SNX29: variants seen among roughly 807,000 people sequenced by gnomAD.
SNX29 encodes the protein sorting nexin 29, also known as sorting nexin-29.
Under a neutral mutation model 102.1 loss-of-function variants are expected in SNX29, and 78 were observed. That is an observed-to-expected ratio of 0.76 (90% confidence interval 0.64 to 0.92). The LOEUF is 0.92. SNX29 is among the 40% of genes least tolerant of loss of function. The pLI, the probability that SNX29 is intolerant of heterozygous loss-of-function variation, is 0.00. For missense variants in SNX29, 1,280 were observed against 1,061.7 expected (o/e 1.21, Z -2.86); for synonymous variants, 580 against 414.5 (o/e 1.40, Z -4.85).
intron 11 of SNX29, among the ~76,000 whole-genome samples, chr16:12,123,315 C>G (rs2054059455): frequency 6.6e-6 from 1 of 152,062 alleles, no homozygotes. Flanking sequence ...GCTCTCTCTT[C>G]AGATTTCAAG....
chr16:12,293,255 C>T (rs981968383), intron 15 of SNX29, among the ~76,000 whole-genome samples: 4 of 152,186 alleles, frequency 2.6e-5, no homozygotes, highest in African/African-American at 9.7e-5. Flanking sequence ...TCATATGCAT[C>T]GTGTCATTTA....
intron 18 of SNX29, among the ~76,000 whole-genome samples, chr16:12,425,534 A>G (rs1466778793): frequency 9.3e-6 from 1 of 107,590 alleles, no homozygotes; most frequent in Non-Finnish European, 2.2e-5. Context: ...AGAGTTAAAA[A>G]AAAAAAAAAA....
intron 3 of SNX29, among the ~76,000 whole-genome samples, chr16:12,008,599 CT>C (rs1487993647): frequency 6.6e-6 from 1 of 151,966 alleles, no homozygotes; most frequent in Non-Finnish European, 1.5e-5. Context: ...AAAATGACAG[CT>C]TGTTCAAAAT....
chr16:12,538,945 G>A (rs1031130560), intron 20 of SNX29, among the ~76,000 whole-genome samples: 2 of 152,166 alleles, frequency 1.3e-5, no homozygotes, highest in African/African-American at 2.4e-5. Flanking sequence ...ATGTAGCAGT[G>A]CTGTGAAATG....
intron 8 of SNX29, among the ~76,000 whole-genome samples, chr16:12,056,808 TTTTTG>T (rs1051425873): frequency 7.2e-5 from 11 of 152,290 alleles, no homozygotes; most frequent in African/African-American, 1.9e-4. Context: ...TTTTGTTCTT[TTTTTG>T]TTTTGTTTTG....
At chr16:12,465,321 A>G (rs373161451) in intron 18 of SNX29, among the ~76,000 whole-genome samples, 7 of 152,140 alleles carry the variant, frequency 4.6e-5, no homozygotes, top group Non-Finnish European at 8.8e-5. Flanking sequence ...CTCATTCCCT[A>G]TGTCTTCTTC....
intron 1 of SNX29, among the ~76,000 whole-genome samples, chr16:11,980,746 C>T (rs1039645371): frequency 2.0e-5 from 3 of 152,142 alleles, no homozygotes; most frequent in Middle Eastern, 3.2e-3. Context: ...TCCCTAGTGA[C>T]TAGTGATGTT....
chr16:12,486,843 G>A (rs577342623), intron 19 of SNX29, among the ~76,000 whole-genome samples: 1 of 152,178 alleles, frequency 6.6e-6, no homozygotes, highest in Non-Finnish European at 1.5e-5. Context: ...TGCCCTCATA[G>A]TTCATCCACA....
At chr16:12,259,130 G>A (rs9921551) in intron 14 of SNX29, among the ~76,000 whole-genome samples, 79,745 of 151,828 alleles carry the variant, frequency 0.53, 21,403 homozygotes, top group Middle Eastern at 0.59. Context: ...AAGATTTTCC[G>A]GGAAGTTGTC....
chr16:12,025,467 G>A (rs994327331), intron 3 of SNX29, among the ~76,000 whole-genome samples: 2 of 152,124 alleles, frequency 1.3e-5, no homozygotes, highest in Non-Finnish European at 2.9e-5. Context: ...CTACCCACTG[G>A]AAAAAGATTT....
intron 14 of SNX29, among the ~76,000 whole-genome samples, chr16:12,232,897 G>C (rs1160464193): frequency 6.6e-6 from 1 of 152,168 alleles, no homozygotes; most frequent in African/African-American, 2.4e-5. Flanking sequence ...ACCCAGCATG[G>C]GCTTGGAGGG....
intron 18 of SNX29, among the ~76,000 whole-genome samples, chr16:12,460,464 C>G (rs958048109): frequency 6.6e-6 from 1 of 152,060 alleles, no homozygotes; most frequent in Non-Finnish European, 1.5e-5. Context: ...TTGGTCTTCC[C>G]TCTTGTTACC....
chr16:12,493,672 A>C (rs1181376659), intron 19 of SNX29, among the ~76,000 whole-genome samples: 1 of 152,086 alleles, frequency 6.6e-6, no homozygotes, highest in African/African-American at 2.4e-5. Context: ...GCTCACTGCA[A>C]CCTCCGCTTC....
At chr16:12,088,188 A>G (rs1308688621) in intron 11 of SNX29, 1 of 449,888 alleles carries the variant, frequency 2.2e-6, no homozygotes, top group Non-Finnish European at 4.5e-6. Context: ...GCAGAAAGCT[A>G]GAGAGAGACA....
intron 8 of SNX29, chr16:12,052,815 C>G (rs1216555550): frequency 1.3e-5 from 2 of 156,460 alleles, no homozygotes; most frequent in Non-Finnish European, 2.8e-5. Flanking sequence ...GTTTCACAGT[C>G]TGATGAGACT....
At chr16:12,301,767 T>G (rs970818302) in intron 15 of SNX29, among the ~76,000 whole-genome samples, 7 of 152,194 alleles carry the variant, frequency 4.6e-5, no homozygotes, top group Admixed American at 4.6e-4. Flanking sequence ...ACATTAACAT[T>G]CTGGTGTTTC....
At chr16:12,435,121 C>G (rs2085480133) in intron 18 of SNX29, among the ~76,000 whole-genome samples, 1 of 152,136 alleles carries the variant, frequency 6.6e-6, no homozygotes, top group Non-Finnish European at 1.5e-5. Flanking sequence ...CCATTTGCAG[C>G]TGTTCTTCAG....
intron 15 of SNX29, among the ~76,000 whole-genome samples, chr16:12,350,605 G>A (rs1319836807): frequency 1.3e-5 from 2 of 152,106 alleles, no homozygotes; most frequent in East Asian, 1.9e-4. Context: ...GTTCAGAGGT[G>A]GAGAGGTGAC....
intron 18 of SNX29, among the ~76,000 whole-genome samples, chr16:12,451,430 A>G (rs1237890248): frequency 6.6e-6 from 1 of 152,224 alleles, no homozygotes; most frequent in African/African-American, 2.4e-5. Context: ...GTCCCCAACC[A>G]TTTAATGATC....
Sources: allele counts gnomAD v4.1 joint callset (sites outside exome capture counted in the v4.1 genomes callset), GRCh38; gene constraint gnomAD v4.1.1; transcripts MANE v1.5; gene names NCBI Gene and HGNC (gene_info 2026-07-23, HGNC 2026-07-21).